MKRN1: variants seen among roughly 807,000 people sequenced by gnomAD.
MKRN1 encodes the protein E3 ubiquitin-protein ligase makorin-1.
Under a neutral mutation model 55.5 loss-of-function variants are expected in MKRN1, and 9 were observed. The observed-to-expected ratio is 0.16, with a 90% CI of 0.10 to 0.28. MKRN1 has a LOEUF of 0.28. Among genes scored for constraint, MKRN1 ranks in the 10% least tolerant of loss-of-function variants. The probability of loss-of-function intolerance (pLI) is 1.00; values close to 1 mark genes in which losing one functional copy is unlikely to be tolerated. For synonymous variants in MKRN1, 253 were observed against 235.9 expected (o/e 1.07, Z -0.66); for missense variants, 488 against 626.7 (o/e 0.78, Z 2.36).
chr7:140,479,430 A>T lies in MKRN1; in HGVS notation c.-86T>A. 1 of 1,228,084 alleles carries T rather than the reference A, an allele frequency of 8.1e-7. No individual in the cohort carries two copies. The highest frequency in any genetic ancestry group is 1.0e-6 in the Non-Finnish European group (1 of 975,206). The allele number at this position is 1,228,084 out of a possible 1,614,324, so 76.1% of individuals were successfully genotyped here. ...GCTGCGGGGAGAGGACGGCGAGGCC[A>T]GGCGAGGGGAGGGGAAGGACACTGA... On this transcript the variant is annotated 5_prime_UTR_variant, in exon 1 of 8. Coordinates refer to ENST00000255977, the MANE Select transcript of MKRN1 (RefSeq NM_013446.4).
Position 140,453,545 on chromosome 7 carries a change from A to C in MKRN1, c.*972T>G, listed in dbSNP as rs1000004675. 5 of 152,656 alleles carry C rather than the reference A, an allele frequency of 3.3e-5. No homozygotes were observed. Among genetic ancestry groups the C allele is most frequent in the African/African-American group, 1.2e-4 (5 of 41,458 alleles). 9.5% of individuals were successfully genotyped at this position (152,656 alleles called of 1,614,324 possible). On this transcript the variant is annotated 3_prime_UTR_variant, in exon 8 of 8. Transcript: ENST00000255977. ...GAAAGGCTAGATCGTAAAACATTAA[A>C]TACAACTGTGTATCCAAGACCCAGT...
chr7:140,476,440 C>G (rs993467380), intron 1 of MKRN1, among the ~76,000 whole-genome samples: 7 of 139,550 alleles, frequency 5.0e-5, no homozygotes, highest in Non-Finnish European at 1.0e-4. Context: ...CCACTGCACT[C>G]CAGCCTGGGC....
intron 4 of MKRN1, 73 bp from the exon 5 acceptor site, chr7:140,456,939 T>G (rs755085869): frequency 4.2e-5 from 59 of 1,406,984 alleles, no homozygotes; most frequent in Non-Finnish European, 5.5e-5. Context: ...CAGTTAATGA[T>G]TCACAGTCAA....
chr7:140,463,605 G>A (rs1418105427), intron 2 of MKRN1, among the ~76,000 whole-genome samples: 1 of 152,042 alleles, frequency 6.6e-6, no homozygotes, highest in Non-Finnish European at 1.5e-5. Context: ...TCCAGCCCAG[G>A]CTGGACGCGG....
intron 1 of MKRN1, among the ~76,000 whole-genome samples, chr7:140,472,963 A>G (rs56006349): frequency 6.6e-6 from 1 of 151,636 alleles, no homozygotes; most frequent in African/African-American, 2.4e-5. Context: ...TAAAAGTACA[A>G]AAAATTAGCC....
At chr7:140,471,604 G>T (rs969907106) in intron 2 of MKRN1, among the ~76,000 whole-genome samples, 1 of 151,952 alleles carries the variant, frequency 6.6e-6, no homozygotes, top group African/African-American at 2.4e-5. Context: ...GAAGTAGCTG[G>T]GATTACAGAC....
At chr7:140,476,131 T>A (rs970808878) in intron 1 of MKRN1, among the ~76,000 whole-genome samples, 1 of 152,152 alleles carries the variant, frequency 6.6e-6, no homozygotes. Context: ...TGATGTGCTA[T>A]AGGGAGAAAT....
At chr7:140,473,226 A>AAC (rs1465083146) in intron 1 of MKRN1, 25 of 429,660 alleles carry the variant, frequency 5.8e-5, no homozygotes, top group African/African-American at 4.4e-4. Flanking sequence ...AAAAAAAAAA[A>AAC]ACATCATCCA....
intron 2 of MKRN1, among the ~76,000 whole-genome samples, chr7:140,467,989 C>T (rs982462604): frequency 1.9e-4 from 22 of 118,328 alleles, no homozygotes; most frequent in Admixed American, 8.7e-4. Context: ...GCAACAAGAG[C>T]GAAATTCTGT....
chr7:140,478,422 A>C (rs747577739), intron 1 of MKRN1: 1 of 152,074 alleles, frequency 6.6e-6, no homozygotes, highest in African/African-American at 2.4e-5. Flanking sequence ...CTCCCTTCGG[A>C]AGATGCGTAA....
intron 2 of MKRN1, among the ~76,000 whole-genome samples, chr7:140,467,036 GGTACGATCTTGGCTCACCAC>G (rs1368896646): frequency 6.6e-6 from 1 of 151,090 alleles, no homozygotes; most frequent in Non-Finnish European, 1.5e-5. Flanking sequence ...GGACTGCAAT[GGTACGATCTTGGCTCACCAC>G]AACATCCACC....
chr7:140,479,131 G>T (rs1208112064), intron 1 of MKRN1, 29 bp downstream of exon 1: 1 of 1,296,998 alleles, frequency 7.7e-7, no homozygotes, highest in South Asian at 2.4e-5. Context: ...CCCTCCCCGC[G>T]CCCGGCGCTC....
intron 2 of MKRN1, among the ~76,000 whole-genome samples, chr7:140,464,863 C>T (rs935710442): frequency 6.6e-6 from 1 of 152,156 alleles, no homozygotes; most frequent in African/African-American, 2.4e-5. Flanking sequence ...AATCACAATT[C>T]ACTGCGCCCT....
chr7:140,475,394 T>C, intron 1 of MKRN1: 2 of 335,838 alleles, frequency 6.0e-6, no homozygotes, highest in Middle Eastern at 3.8e-4. Flanking sequence ...GCATGGTGGC[T>C]CACACCTGTA....
intron 2 of MKRN1, among the ~76,000 whole-genome samples, chr7:140,467,485 C>T (rs1794807726): frequency 6.6e-6 from 1 of 152,008 alleles, no homozygotes; most frequent in Admixed American, 6.6e-5. Flanking sequence ...ACCATGTTGG[C>T]CAGGCTGGTC....
intron 7 of MKRN1, 109 bp from the exon 8 acceptor site, chr7:140,454,838 T>A (rs1192505217): frequency 8.3e-7 from 1 of 1,211,508 alleles, no homozygotes; most frequent in African/African-American, 1.5e-5. Context: ...CGAACCAGAC[T>A]TCTTAGTTAG....
At chr7:140,466,824 A>G (rs941245542) in intron 2 of MKRN1, among the ~76,000 whole-genome samples, 1 of 149,784 alleles carries the variant, frequency 6.7e-6, no homozygotes, top group Non-Finnish European at 1.5e-5. Flanking sequence ...AAAAAAAAAA[A>G]AAAAAAAAAG....
At chr7:140,455,507 G>A (rs538457957) in intron 6 of MKRN1, 43 of 563,000 alleles carry the variant, frequency 7.6e-5, no homozygotes, top group Non-Finnish European at 1.2e-4. Flanking sequence ...GAGAACATAG[G>A]ACAGCTATGA....
Position 140,455,109 on chromosome 7 carries a change from A to G in MKRN1, c.1222T>C (p.Ser408Pro). Residue 408 changes from serine (S) to proline (P), a missense_variant, in exon 7 of 8, where the codon TCA (serine) becomes CCA (proline). Coordinates refer to ENST00000255977, the MANE Select transcript of MKRN1 (RefSeq NM_013446.4). ...GTGAGAGTTACCCGGTATCTGCTTG[A>G]TGTTCCCACTTTCTGTCTCTGTGGC... ...EEPQRQKVGT[S>P]SRYRAQRRNH... The G allele has an allele frequency of 6.2e-7, 1 of 1,613,760 alleles. No homozygotes were observed. The highest frequency in any genetic ancestry group is 8.5e-7 in the Non-Finnish European group (1 of 1,179,968).
Sources: allele counts gnomAD v4.1 joint callset (sites outside exome capture counted in the v4.1 genomes callset), GRCh38; gene constraint gnomAD v4.1.1; transcripts MANE v1.5; gene names NCBI Gene and HGNC (gene_info 2026-07-23, HGNC 2026-07-21).